NBAS: variants seen among roughly 807,000 people sequenced by gnomAD.
NBAS encodes NBAS subunit of NRZ tethering complex, also known as NAG/BC035112 fusion.
Under a neutral mutation model 302.5 loss-of-function variants are expected in NBAS, and 219 were observed. That is an observed-to-expected ratio of 0.72 (90% CI 0.65 to 0.81). The LOEUF is 0.81. Among genes scored for constraint, NBAS ranks in the 30% least tolerant of loss-of-function variants. The pLI, the probability that NBAS is intolerant of heterozygous loss-of-function variation, is 0.00. For missense variants in NBAS, 2,932 were observed against 2,841.6 expected, an observed-to-expected ratio of 1.03 and a Z score of -0.72; for synonymous variants, 1,118 against 1,021.6, an observed-to-expected ratio of 1.09 and a Z score of -1.80.
At chr2:15,261,408 A>AT (rs34356803) in intron 44 of NBAS, among the ~76,000 whole-genome samples, 10,929 of 152,314 alleles carry the variant, frequency 0.072, 502 homozygotes, top group Middle Eastern at 0.12. Flanking sequence ...AGCTAATAAA[A>AT]TATTCAAACA....
chr2:14,928,656 G>C, the NBAS span, among the ~76,000 whole-genome samples: 3 of 151,880 alleles, frequency 2.0e-5, no homozygotes, highest in South Asian at 6.2e-4. Flanking sequence ...TAGCCAGTTG[G>C]GTTTTGTTTT....
At chr2:15,436,370 T>C (rs1164423177) in intron 21 of NBAS, among the ~76,000 whole-genome samples, 3 of 152,176 alleles carry the variant, frequency 2.0e-5, no homozygotes, top group East Asian at 3.9e-4. Flanking sequence ...CTCACAGTAG[T>C]AGCTCACAGA....
intron 28 of NBAS, among the ~76,000 whole-genome samples, chr2:15,384,985 CAA>C (rs1430279042): frequency 1.1e-5 from 1 of 90,568 alleles, no homozygotes; most frequent in Non-Finnish European, 2.7e-5. Flanking sequence ...ATCATTACAG[CAA>C]AAAATATAGT....
chr2:15,254,637 C>T (rs572209164), intron 44 of NBAS, among the ~76,000 whole-genome samples: 5 of 152,232 alleles, frequency 3.3e-5, no homozygotes, highest in Admixed American at 6.5e-5. Flanking sequence ...TTTTGGTGTA[C>T]CCATCACTGG....
chr2:15,529,348 C>T (rs1381655084), intron 9 of NBAS, among the ~76,000 whole-genome samples: 1 of 151,906 alleles, frequency 6.6e-6, no homozygotes, highest in African/African-American at 2.4e-5. Context: ...AAATCAACAG[C>T]CAAGTGTGGT....
At chr2:15,419,335 A>ATATG (rs1553309327) in intron 23 of NBAS, among the ~76,000 whole-genome samples, 4 of 149,994 alleles carry the variant, frequency 2.7e-5, no homozygotes, top group African/African-American at 9.8e-5. Context: ...ATACATATAT[A>ATATG]TGTGTGTGTG....
chr2:15,232,709 G>A (rs1434049899), intron 46 of NBAS, among the ~76,000 whole-genome samples, 198 bp from the exon 47 acceptor site: 2 of 152,162 alleles, frequency 1.3e-5, no homozygotes, highest in African/African-American at 4.8e-5. Flanking sequence ...TGCCCTTAAG[G>A]AGCTCAGTCT....
At chr2:14,841,289 C>G in the NBAS span, among the ~76,000 whole-genome samples, 1 of 151,226 alleles carries the variant, frequency 6.6e-6, no homozygotes, top group Non-Finnish European at 1.5e-5. Context: ...TCAAAACAAC[C>G]AGAAAACAAG....
the NBAS span, among the ~76,000 whole-genome samples, chr2:14,863,968 C>A: frequency 6.6e-6 from 1 of 152,088 alleles, no homozygotes; most frequent in Non-Finnish European, 1.5e-5. Flanking sequence ...TAATTTTCTA[C>A]AAATGGCAAG....
At chr2:15,471,252 G>A (rs944112232) in intron 16 of NBAS, among the ~76,000 whole-genome samples, 1 of 152,004 alleles carries the variant, frequency 6.6e-6, no homozygotes, top group African/African-American at 2.4e-5. Flanking sequence ...CAGAATTAGT[G>A]TTTTGATTTT....
At chr2:15,457,723 A>G (rs1335250961) in intron 21 of NBAS, among the ~76,000 whole-genome samples, 4 of 152,222 alleles carry the variant, frequency 2.6e-5, no homozygotes, top group Non-Finnish European at 5.9e-5. Flanking sequence ...ACCAACAAAT[A>G]GGACACTGCT....
the NBAS span, among the ~76,000 whole-genome samples, chr2:14,927,575 C>G: frequency 2.6e-5 from 4 of 152,096 alleles, no homozygotes; most frequent in Non-Finnish European, 5.9e-5. Flanking sequence ...GGGTGTCTAC[C>G]TAGAAGTAAA....
At chr2:15,495,645 GTGTT>G (rs1681038969) in intron 11 of NBAS, among the ~76,000 whole-genome samples, 1 of 152,162 alleles carries the variant, frequency 6.6e-6, no homozygotes, top group Non-Finnish European at 1.5e-5. Flanking sequence ...GGCGGGAACT[GTGTT>G]TGTGACAGGG....
intron 44 of NBAS, among the ~76,000 whole-genome samples, chr2:15,243,707 G>GA (rs1235087698): frequency 3.9e-5 from 6 of 152,146 alleles, no homozygotes; most frequent in Admixed American, 1.3e-4. Context: ...TGGAACACCA[G>GA]AAATGTGTTG....
chr2:15,555,143 C>T (rs1001372563), intron 3 of NBAS, among the ~76,000 whole-genome samples: 5 of 151,720 alleles, frequency 3.3e-5, no homozygotes, highest in South Asian at 2.1e-4. Context: ...CGCAGCTACA[C>T]GGGAGGCTAA....
At chr2:15,178,208 A>T in intron 51 of NBAS, 1 of 466,952 alleles carries the variant, frequency 2.1e-6, no homozygotes, top group Non-Finnish European at 4.4e-6. Flanking sequence ...ATATACATAT[A>T]TATGTATATA....
the NBAS span, among the ~76,000 whole-genome samples, chr2:15,061,142 C>T: frequency 2.0e-5 from 3 of 152,214 alleles, no homozygotes; most frequent in Admixed American, 1.3e-4. Flanking sequence ...GAAGCAGAGA[C>T]ACAAGACTCA....
chr2:15,167,474 T>C, intron 51 of NBAS, 151 bp from the exon 52 acceptor site: 1 of 972,126 alleles, frequency 1.0e-6, no homozygotes, highest in Middle Eastern at 3.1e-4. Context: ...ACCTCTGAGG[T>C]AGGTCACAGA....
chr2:14,881,991 G>T, the NBAS span, among the ~76,000 whole-genome samples: 2 of 152,120 alleles, frequency 1.3e-5, no homozygotes, highest in Admixed American at 6.6e-5. Context: ...GAAGAATAAT[G>T]TGTAAATGTC....
Sources: allele counts gnomAD v4.1 joint callset (sites outside exome capture counted in the v4.1 genomes callset), GRCh38; gene constraint gnomAD v4.1.1; transcripts MANE v1.5; gene names NCBI Gene and HGNC (gene_info 2026-07-23, HGNC 2026-07-21).